TBC1D1: variants seen among roughly 807,000 people sequenced by gnomAD.
TBC1D1 encodes the protein TBC1 domain family member 1.
Under a neutral mutation model 125.6 loss-of-function variants are expected in TBC1D1, and 89 were observed. The observed-to-expected ratio is 0.71, with a 90% CI of 0.60 to 0.85. The LOEUF (loss-of-function observed/expected upper bound fraction) is 0.85. TBC1D1 is among the 40% of genes least tolerant of loss of function. The pLI is 0.00. For synonymous variants in TBC1D1, 565 were observed against 564.1 expected (o/e 1.00, Z -0.02); for missense variants, 1,377 against 1,469.2 (o/e 0.94, Z 1.03).
chr4:38,061,765 T>C (rs1382724289), intron 12 of TBC1D1, among the ~76,000 whole-genome samples: 1 of 152,212 alleles, frequency 6.6e-6, no homozygotes, highest in Non-Finnish European at 1.5e-5. Flanking sequence ...TAATAAACAG[T>C]AATGCCTAAA....
intron 1 of TBC1D1, among the ~76,000 whole-genome samples, chr4:37,901,623 G>A (rs772514167): frequency 6.6e-5 from 10 of 152,236 alleles, no homozygotes; most frequent in East Asian, 1.9e-4. Flanking sequence ...CTACCTGGGC[G>A]AGTCTTTTAA....
intron 11 of TBC1D1, among the ~76,000 whole-genome samples, chr4:38,052,533 C>T (rs1471612747): frequency 1.3e-5 from 2 of 151,766 alleles, no homozygotes; most frequent in Non-Finnish European, 2.9e-5. Flanking sequence ...TGGGGTTTCA[C>T]CATGTTGACC....
intron 12 of TBC1D1, among the ~76,000 whole-genome samples, chr4:38,067,033 C>T (rs1362381272): frequency 6.6e-6 from 1 of 151,966 alleles, no homozygotes; most frequent in African/African-American, 2.4e-5. Flanking sequence ...CGCACCACCA[C>T]GCCCAGCTAA....
rs756591489 is a variant in TBC1D1, at chr4:37,951,626, CT to C, written c.417+49116del. On this transcript the variant is annotated intron_variant, in intron 2 of 19. Transcript: ENST00000261439. ...CTGTGGTCACAGCAGGGGAAGGAAC[CT>C]TGTGACACTCTGCTAGGGAAGAGGA... 2.6e-5 allele frequency among the ~76,000 whole-genome samples: 4 copies of C among 152,292 alleles called. No individual in the cohort carries two copies. In the South Asian group the frequency reaches 8.3e-4, roughly 32 times the overall value.
chr4:37,996,768 C>A (rs1171014793), intron 2 of TBC1D1, among the ~76,000 whole-genome samples: 1 of 152,210 alleles, frequency 6.6e-6, no homozygotes, highest in African/African-American at 2.4e-5. Context: ...TTGGAAATGA[C>A]CATGGACCTC....
Position 38,040,483 on chromosome 4 carries a change from T to TCTCCG in TBC1D1, c.1414-3879_1414-3878insCTCCG, listed in dbSNP as rs1748145446. Among the ~76,000 whole-genome samples, 3 of 152,302 alleles carry TCTCCG rather than the reference T, an allele frequency of 2.0e-5. No individual in the cohort carries two copies. In the South Asian group the frequency reaches 6.2e-4, roughly 32 times the overall value. On this transcript the variant is annotated intron_variant, in intron 8 of 19. Coordinates refer to ENST00000261439, the MANE Select transcript of TBC1D1 (RefSeq NM_015173.4). ...TTTGTATATTTAGTAGAGACGGGGTTTCACTGTGTTGGATGGGATGTTCTC... is the reference window on the plus strand; with the variant it reads ...TTTGTATATTTAGTAGAGACGGGGTTCTCCGTCACTGTGTTGGATGGGATGTTCTC...
intron 2 of TBC1D1, among the ~76,000 whole-genome samples, chr4:37,957,279 G>A (rs1237328310): frequency 6.6e-6 from 1 of 152,206 alleles, no homozygotes; most frequent in Non-Finnish European, 1.5e-5. Context: ...AATCATTAAA[G>A]TAATAAATAA....
rs1733422353 is a variant in TBC1D1 at position 37,977,535 on chromosome 4, C to T, written c.418-36974C>T. On this transcript the variant is annotated intron_variant, in intron 2 of 19. Transcript: ENST00000261439. The surrounding 1 kb of genome is among the most constrained non-coding windows in gnomAD (Gnocchi z 4.3). The stretch of plus-strand genomic sequence containing the variant: ...TGTTCAGCTGGGTGGCCAAGGTAGG[C>T]GGCGTCGGGCGGGCGCCCGTTACCG... 5.3e-6 allele frequency: 5 copies of T among 940,866 alleles called. No individual in the cohort carries two copies. In the South Asian group the frequency reaches 1.9e-4, roughly 36 times the overall value. The allele number at this position is 940,866 out of a possible 1,614,324, so 58.3% of individuals were successfully genotyped here.
intron 2 of TBC1D1, among the ~76,000 whole-genome samples, chr4:37,971,656 C>T (rs1248479024): frequency 6.6e-6 from 1 of 151,996 alleles, no homozygotes; most frequent in Non-Finnish European, 1.5e-5. Flanking sequence ...TTTGGATAGC[C>T]TATTGCTTTC....
chr4:38,009,312 T>C (rs1578251888), intron 2 of TBC1D1, among the ~76,000 whole-genome samples: 1 of 152,234 alleles, frequency 6.6e-6, no homozygotes, highest in African/African-American at 2.4e-5. Context: ...TCCGGCCATA[T>C]TTTTGAAGTC....
At chr4:37,899,986 T>TGGCG (rs1342852919) in intron 1 of TBC1D1, among the ~76,000 whole-genome samples, 1 of 152,026 alleles carries the variant, frequency 6.6e-6, no homozygotes, top group East Asian at 1.9e-4. Flanking sequence ...CCGGGCGCGG[T>TGGCG]GGCAGGCGCC....
chr4:38,100,599 C>G (rs1156770594), intron 14 of TBC1D1, among the ~76,000 whole-genome samples: 1 of 152,126 alleles, frequency 6.6e-6, no homozygotes, highest in African/African-American at 2.4e-5. Context: ...TTTGAGGGGA[C>G]ACCATTCAAC....
intron 13 of TBC1D1, among the ~76,000 whole-genome samples, chr4:38,090,465 G>A (rs146830937): frequency 2.0e-5 from 3 of 152,020 alleles, no homozygotes; most frequent in African/African-American, 7.2e-5. Flanking sequence ...TTTATCCTCA[G>A]CCATGGTCTG....
chr4:38,130,372 A>G (rs968853612), intron 18 of TBC1D1, among the ~76,000 whole-genome samples: 147 of 152,234 alleles, frequency 9.7e-4, no homozygotes, highest in African/African-American at 3.4e-3. Context: ...ATGTAGCTCT[A>G]TTGCTTCAGT....
At chr4:38,119,081 AT>A (rs1442099986) in intron 17 of TBC1D1, among the ~76,000 whole-genome samples, 1 of 152,226 alleles carries the variant, frequency 6.6e-6, no homozygotes, top group African/African-American at 2.4e-5. Flanking sequence ...TACTAAAAAA[AT>A]GATAGTTATT....
At chr4:38,112,501 AT>A (rs1762356039) in intron 15 of TBC1D1, among the ~76,000 whole-genome samples, 1 of 152,220 alleles carries the variant, frequency 6.6e-6, no homozygotes, top group Admixed American at 6.5e-5. Flanking sequence ...AACCATTTGC[AT>A]TAGGCATTGT....
chr4:37,927,291 T>C (rs1424331556), intron 2 of TBC1D1, among the ~76,000 whole-genome samples: 1 of 152,192 alleles, frequency 6.6e-6, no homozygotes, highest in African/African-American at 2.4e-5. Context: ...GAAGCTAAAG[T>C]GCACTCTCCT....
intron 16 of TBC1D1, among the ~76,000 whole-genome samples, chr4:38,116,188 T>G (rs1049402378): frequency 6.6e-6 from 1 of 152,128 alleles, no homozygotes; most frequent in Non-Finnish European, 1.5e-5. Flanking sequence ...CTCCAAGAGA[T>G]TATAAATTGG....
intron 12 of TBC1D1, among the ~76,000 whole-genome samples, chr4:38,085,974 G>T (rs1306831804): frequency 2.0e-5 from 3 of 152,154 alleles, no homozygotes; most frequent in African/African-American, 7.2e-5. Context: ...AAAGCCTTGT[G>T]CCCAGTCTGG....
Sources: allele counts gnomAD v4.1 joint callset (sites outside exome capture counted in the v4.1 genomes callset), GRCh38; gene constraint gnomAD v4.1.1; non-coding constraint Gnocchi (gnomAD v3.1); transcripts MANE v1.5; gene names NCBI Gene and HGNC (gene_info 2026-07-23, HGNC 2026-07-21).